The following MEGF11 variants were observed in gnomAD, a reference collection of about 807,000 sequenced individuals.
The protein encoded by MEGF11 is multiple EGF like domains 11, also known as multiple epidermal growth factor-like domains protein 11.
A neutral mutation model predicts 146.6 loss-of-function variants in MEGF11; 126 were observed. The ratio of observed to expected loss-of-function variants is 0.86; its 90% CI spans 0.74 to 1.00. The LOEUF (loss-of-function observed/expected upper bound fraction) is 1.00, where lower values mean the gene tolerates loss of function less well. MEGF11 is among the 50% of genes least tolerant of loss of function. The pLI is 0.00. For synonymous variants in MEGF11, 532 were observed against 583.4 expected (o/e 0.91, Z 1.27); for missense variants, 1,509 against 1,521.2 (o/e 0.99, Z 0.13).
At chr15:66,096,762 C>T (rs2086570574) in intron 4 of MEGF11, among the ~76,000 whole-genome samples, 1 of 152,166 alleles carries the variant, frequency 6.6e-6, no homozygotes. Flanking sequence ...CTGCCCCCTG[C>T]TCCCGATCCT....
Position 65,916,571 on chromosome 15 carries a change from G to T in MEGF11, c.2215+257C>A, listed in dbSNP as rs192364035. On this transcript the variant is annotated intron_variant, in intron 17 of 25. Coordinates refer to ENST00000395614, the MANE Select transcript of MEGF11 (RefSeq NM_001385028.1). ...CTCTGGGCCCCACTGTCCAAGGAAG[G>T]TCTGGTCTTGGTGATTGCTGGAGTA... 5.7e-6 allele frequency: 4 copies of T among 704,320 alleles called. No individual in the cohort carries two copies. The Admixed American group carries it at 7.2e-5, about 13-fold the overall frequency. 43.6% of individuals were successfully genotyped at this position (704,320 alleles called of 1,614,324 possible).
chr15:66,099,373 C>T (rs147944897), intron 4 of MEGF11, among the ~76,000 whole-genome samples: 101 of 152,030 alleles, frequency 6.6e-4, no homozygotes, highest in African/African-American at 2.3e-3. Flanking sequence ...TTAGTAGAGA[C>T]GGGGTTTCAC....
intron 12 of MEGF11, 45 bp from the exon 13 acceptor site, chr15:65,928,572 C>T: frequency 4.4e-6 from 6 of 1,355,166 alleles, no homozygotes; most frequent in Non-Finnish European, 5.2e-6. Context: ...CCCAAACCTC[C>T]AGAGGTTTGT....
chr15:66,071,619 T>C (rs1209686025), intron 5 of MEGF11, among the ~76,000 whole-genome samples: 1 of 152,226 alleles, frequency 6.6e-6, no homozygotes, highest in Non-Finnish European at 1.5e-5. Flanking sequence ...TCTCATGATC[T>C]GTACCATCCA....
At chr15:66,147,060 G>A (rs749757999) in intron 1 of MEGF11, among the ~76,000 whole-genome samples, 20 of 152,120 alleles carry the variant, frequency 1.3e-4, no homozygotes, top group Non-Finnish European at 2.6e-4. Context: ...AATTGTAGCC[G>A]CTAGGTCCCT....
At chr15:66,095,768 G>C (rs1338929658) in intron 4 of MEGF11, among the ~76,000 whole-genome samples, 4 of 152,178 alleles carry the variant, frequency 2.6e-5, no homozygotes, top group Non-Finnish European at 4.4e-5. Flanking sequence ...CTGGGTTGTG[G>C]TGTGTCTGGA....
At chr15:65,985,366 C>T (rs1417652713) in intron 5 of MEGF11, among the ~76,000 whole-genome samples, 3 of 152,152 alleles carry the variant, frequency 2.0e-5, no homozygotes. Flanking sequence ...CCACGAAGCA[C>T]AGATCAGGGA....
chr15:66,084,372 T>C (rs1002100564), intron 5 of MEGF11, among the ~76,000 whole-genome samples: 3 of 152,108 alleles, frequency 2.0e-5, no homozygotes, highest in African/African-American at 7.2e-5. Flanking sequence ...AGTGTGAATT[T>C]TAGCTCCAGA....
chr15:66,141,796 T>C (rs2141007685), intron 1 of MEGF11, among the ~76,000 whole-genome samples: 1 of 152,228 alleles, frequency 6.6e-6, no homozygotes, highest in Admixed American at 6.5e-5. Flanking sequence ...CAATATCCTG[T>C]GTGTATTTCC....
At chr15:66,132,472 C>T (rs940860232) in intron 1 of MEGF11, among the ~76,000 whole-genome samples, 4 of 152,350 alleles carry the variant, frequency 2.6e-5, no homozygotes, top group African/African-American at 9.6e-5. Context: ...CTGCAGCCTG[C>T]TCTCTGTCAA....
At chr15:66,018,929 GAA>G (rs1229329432) in intron 5 of MEGF11, among the ~76,000 whole-genome samples, 3 of 152,350 alleles carry the variant, frequency 2.0e-5, no homozygotes, top group Admixed American at 2.0e-4. Context: ...GAGAAACGCA[GAA>G]AGAAGAGAGA....
At chr15:66,008,411 G>GCGCACACACACA (rs1188469509) in intron 5 of MEGF11, among the ~76,000 whole-genome samples, 59 of 52,108 alleles carry the variant, frequency 1.1e-3, no homozygotes, top group African/African-American at 2.7e-3. Context: ...ACGCGCGCGC[G>GCGCACACACACA]CACACACACA....
chr15:66,159,460 C>T (rs746141926), intron 1 of MEGF11, among the ~76,000 whole-genome samples: 3 of 152,202 alleles, frequency 2.0e-5, no homozygotes, highest in Non-Finnish European at 4.4e-5. Context: ...TGGAATCCAA[C>T]GTTTTATACA....
intron 10 of MEGF11, among the ~76,000 whole-genome samples, chr15:65,940,319 C>CCAAGCAAGTGCCTGCTCCTTGT (rs1178731064): frequency 6.6e-6 from 1 of 152,214 alleles, no homozygotes; most frequent in Non-Finnish European, 1.5e-5. Flanking sequence ...AAGCCCCTTG[C>CCAAGCAAGTGCCTGCTCCTTGT]CAAGCAAGTG....
intron 7 of MEGF11, among the ~76,000 whole-genome samples, chr15:65,976,987 G>C (rs2081471292): frequency 6.6e-6 from 1 of 152,108 alleles, no homozygotes; most frequent in East Asian, 1.9e-4. Context: ...GTCTAACACG[G>C]TGAAACCCCG....
intron 16 of MEGF11, 102 bp downstream of exon 16, chr15:65,917,864 C>T (rs2079051981): frequency 1.4e-6 from 2 of 1,390,600 alleles, no homozygotes; most frequent in African/African-American, 1.4e-5. Context: ...GAGATTTCAT[C>T]CCTGGAAGTG....
At chr15:66,233,182 A>C (rs2092005617) in intron 1 of MEGF11, among the ~76,000 whole-genome samples, 1 of 152,232 alleles carries the variant, frequency 6.6e-6, no homozygotes. Context: ...CCTGCTAAGC[A>C]CTTAGCATAC....
chr15:66,230,037 T>G (rs1445718448), intron 1 of MEGF11, among the ~76,000 whole-genome samples: 1 of 152,152 alleles, frequency 6.6e-6, no homozygotes, highest in Non-Finnish European at 1.5e-5. Flanking sequence ...ATTCATGTCA[T>G]TCACAAAGGT....
At chr15:66,212,995 G>A (rs1049131859) in intron 1 of MEGF11, among the ~76,000 whole-genome samples, 5 of 152,190 alleles carry the variant, frequency 3.3e-5, no homozygotes, top group South Asian at 2.1e-4. Context: ...GTAGATCTGC[G>A]AGGGAGGGCC....
Sources: allele counts gnomAD v4.1 joint callset (sites outside exome capture counted in the v4.1 genomes callset), GRCh38; gene constraint gnomAD v4.1.1; transcripts MANE v1.5; gene names NCBI Gene and HGNC (gene_info 2026-07-23, HGNC 2026-07-21).